The following CHD6 variants were observed in gnomAD, a reference collection of about 807,000 sequenced individuals.
CHD6 encodes ATP-dependent chromatin remodeler CHD6.
Under a neutral mutation model 276.9 loss-of-function variants are expected in CHD6, and 50 were observed. The observed-to-expected ratio is 0.18, with a 90% CI of 0.14 to 0.23. CHD6 has a LOEUF of 0.23. Among genes scored for constraint, CHD6 ranks in the 10% least tolerant of loss-of-function variants. CHD6 has a pLI of 1.00. For synonymous variants in CHD6, 1,173 were observed against 1,229.3 expected (o/e 0.95, Z 0.96); for missense variants, 2,564 against 3,365.8 (o/e 0.76, Z 5.89).
intron 1 of CHD6, among the ~76,000 whole-genome samples, chr20:41,597,840 G>A (rs1027456977): frequency 6.6e-6 from 1 of 152,024 alleles, no homozygotes; most frequent in African/African-American, 2.4e-5. Flanking sequence ...ACCCTGTGGA[G>A]ACTTGCGAAG....
intron 1 of CHD6, among the ~76,000 whole-genome samples, chr20:41,597,522 A>G (rs2045730054): frequency 2.6e-5 from 4 of 152,230 alleles, no homozygotes; most frequent in South Asian, 4.2e-4. Flanking sequence ...GAAGTTGGAA[A>G]GAGGGAAAGC....
chr20:41,426,454 A>G (rs1489362665), intron 27 of CHD6, among the ~76,000 whole-genome samples: 2 of 152,190 alleles, frequency 1.3e-5, no homozygotes, highest in Non-Finnish European at 2.9e-5. Flanking sequence ...ATTACATTTT[A>G]CAAGTACTAT....
At chr20:41,609,838 CTTTT>C (rs986404870) in intron 1 of CHD6, among the ~76,000 whole-genome samples, 3 of 146,532 alleles carry the variant, frequency 2.0e-5, no homozygotes, top group South Asian at 4.4e-4. Flanking sequence ...TCTGTGTTTC[CTTTT>C]TTTTTCTTTT....
At chr20:41,431,155 A>G (rs2047525952) in intron 27 of CHD6, among the ~76,000 whole-genome samples, 1 of 152,172 alleles carries the variant, frequency 6.6e-6, no homozygotes, top group African/African-American at 2.4e-5. Flanking sequence ...TGAATTGTCA[A>G]GATGAGAACC....
chr20:41,488,518 C>T lies in CHD6; in HGVS notation c.1767G>A (p.Lys589=). 1.2e-6 allele frequency: 2 copies of T among 1,613,964 alleles called. No homozygotes were observed. Among genetic ancestry groups the T allele is most frequent in the South Asian group, 1.1e-5 (1 of 91,080 alleles). The part of the protein sequence containing the change: ...MILADCPELK[K]IHWSCVIIDE... ...CAATTATCACACAGCTCCAGTGAAT[C>T]TTCTTCAACTCTGGGCAGTCTGCTA... Residue 589 remains lysine (K), a synonymous_variant, in exon 13 of 37, where the codon AAG becomes AAA. Coordinates refer to ENST00000373233, the MANE Select transcript of CHD6 (RefSeq NM_032221.5).
At chr20:41,535,532 G>A (rs1267224562) in intron 2 of CHD6, among the ~76,000 whole-genome samples, 1 of 152,090 alleles carries the variant, frequency 6.6e-6, no homozygotes, top group Non-Finnish European at 1.5e-5. Context: ...TGATTGCTAG[G>A]CCATGAGACC....
chr20:41,495,469 G>A (rs771657023), intron 8 of CHD6, among the ~76,000 whole-genome samples: 4 of 152,152 alleles, frequency 2.6e-5, no homozygotes, highest in Non-Finnish European at 5.9e-5. Context: ...GGGGAAATGG[G>A]GAAGACATTG....
intron 1 of CHD6, among the ~76,000 whole-genome samples, chr20:41,574,754 CA>C (rs1024726169): frequency 2.0e-5 from 3 of 152,010 alleles, no homozygotes; most frequent in Non-Finnish European, 2.9e-5. Flanking sequence ...GAAATAACTT[CA>C]AAACCATGAG....
At chr20:41,610,819 T>C (rs1476039775) in intron 1 of CHD6, among the ~76,000 whole-genome samples, 29 of 152,018 alleles carry the variant, frequency 1.9e-4, no homozygotes, top group Non-Finnish European at 4.4e-5. Context: ...TAGATAAACC[T>C]GAAATACTTT....
Position 41,405,454 on chromosome 20 carries a change from C to T in CHD6, c.7287G>A (p.Leu2429=). The T allele has an allele frequency of 1.3e-6, 2 of 1,577,920 alleles. No individual in the cohort carries two copies. Among genetic ancestry groups the T allele is most frequent in the Middle Eastern group, 1.7e-4 (1 of 5,872 alleles). Reference sequence around the variant, plus strand: ...CCGTATCTCGAAGAATAGGCTCAGCCAGAGTGTGATTGAACTTGTTTTCTG... The same window carrying T: ...CCGTATCTCGAAGAATAGGCTCAGCTAGAGTGTGATTGAACTTGTTTTCTG... ...FLPENKFNHT[L]AEPILRDTGP... Residue 2429 remains leucine, a synonymous_variant, in exon 37 of 37, where the codon CTG becomes CTA. Transcript: ENST00000373233.
At chr20:41,535,993 G>A (rs1249957257) in intron 2 of CHD6, among the ~76,000 whole-genome samples, 1 of 152,190 alleles carries the variant, frequency 6.6e-6, no homozygotes, top group Non-Finnish European at 1.5e-5. Flanking sequence ...AAGTCTACCA[G>A]AAATGTTTGT....
chr20:41,421,651 G>C lies in CHD6; in HGVS notation c.4984C>G (p.Leu1662Val). ...SESLENEPEN[L>V]VRVESRDDHL... ...TCATCTCTGCTTTCTACTCTCACTAGATTTTCAGGTTCATTTTCAAGGGAC... is the reference window on the plus strand; with the variant it reads ...TCATCTCTGCTTTCTACTCTCACTACATTTTCAGGTTCATTTTCAAGGGAC... The change falls in exon 31 of 37, where the codon CTA becomes GTA. Residue 1662 changes from leucine (L) to valine (V), a missense_variant. Physicochemically the swap from Leu to Val is conservative, Grantham distance 32. Transcript: ENST00000373233. The C allele has an allele frequency of 6.2e-7, 1 of 1,613,528 alleles. No homozygotes were observed. The highest frequency in any genetic ancestry group is 1.1e-5 in the South Asian group (1 of 91,004).
intron 27 of CHD6, among the ~76,000 whole-genome samples, chr20:41,436,728 G>A (rs1182461216): frequency 1.3e-5 from 2 of 152,040 alleles, no homozygotes; most frequent in Admixed American, 6.6e-5. Flanking sequence ...TGAATCCCAG[G>A]GAACTTTTCT....
chr20:41,469,608 C>A (rs1013947565), intron 17 of CHD6, among the ~76,000 whole-genome samples: 1 of 152,188 alleles, frequency 6.6e-6, no homozygotes, highest in African/African-American at 2.4e-5. Flanking sequence ...GAAACCTAGA[C>A]AACACTTGCT....
intron 30 of CHD6, 99 bp downstream of exon 30, chr20:41,423,393 A>C: frequency 9.1e-7 from 1 of 1,102,296 alleles, no homozygotes; most frequent in Non-Finnish European, 1.4e-6. Flanking sequence ...CCTCATGTAG[A>C]CTCTAGTTTT....
chr20:41,557,358 A>G (rs935670653), intron 1 of CHD6, among the ~76,000 whole-genome samples: 1 of 152,162 alleles, frequency 6.6e-6, no homozygotes, highest in Non-Finnish European at 1.5e-5. Flanking sequence ...GGATGCTCCT[A>G]TTAAGAAAAA....
Position 41,498,209 on chromosome 20 carries a change from A to C in CHD6, c.933T>G (p.Pro311=). The change falls in exon 7 of 37, where the codon CCT becomes CCG. Residue 311 remains proline (P), a synonymous_variant. Transcript: ENST00000373233. ...KTVQEVHPGE[P]PFDLELFYVK... The stretch of plus-strand genomic sequence containing the variant: ...CGTAGAACAGCTCCAAGTCGAACGG[A>C]GGTTCTCCTGGGTGAACCTGTAACA... The C allele has an allele frequency of 6.2e-7, 1 of 1,611,758 alleles. No homozygotes were observed. Among genetic ancestry groups the C allele is most frequent in the East Asian group, 2.2e-5 (1 of 44,718 alleles).
intron 17 of CHD6, among the ~76,000 whole-genome samples, chr20:41,463,225 A>G (rs2042843308): frequency 6.6e-6 from 1 of 152,076 alleles, no homozygotes; most frequent in Non-Finnish European, 1.5e-5. Flanking sequence ...AAAAGGGAAC[A>G]CTCTTCCTTA....
intron 1 of CHD6, among the ~76,000 whole-genome samples, chr20:41,601,521 G>A (rs2146286640): frequency 6.6e-6 from 1 of 152,330 alleles, no homozygotes. Context: ...TAGCAACCTG[G>A]AGACTAAATG....
Sources: gnomAD v4.1 joint callset for allele counts (sites outside exome capture counted in the v4.1 genomes callset) on GRCh38, gnomAD v4.1.1 for gene constraint, MANE v1.5 for transcripts, NCBI Gene and HGNC (gene_info 2026-07-23, HGNC 2026-07-21) for gene names.